The following CADPS variants were observed in gnomAD, a reference collection of about 807,000 sequenced individuals.
CADPS encodes calcium dependent secretion activator.
In CADPS, 57 loss-of-function variants were observed where a neutral mutation model predicts 167.3. The observed-to-expected ratio is 0.34, with a 90% CI of 0.28 to 0.42. CADPS has a LOEUF of 0.42. CADPS is among the 20% of genes least tolerant of loss of function. CADPS has a pLI of 1.00. For missense variants in CADPS, 1,414 were observed against 1,738.1 expected, an observed-to-expected ratio of 0.81 and a Z score of 3.32; for synonymous variants, 676 against 635.3, an observed-to-expected ratio of 1.06 and a Z score of -0.96.
intron 11 of CADPS, among the ~76,000 whole-genome samples, chr3:62,542,871 A>T (rs2075919486): frequency 6.6e-6 from 1 of 152,158 alleles, no homozygotes; most frequent in African/African-American, 2.4e-5. Context: ...AAAATAAATA[A>T]ATGATTTTAG....
intron 6 of CADPS, among the ~76,000 whole-genome samples, chr3:62,594,958 T>C (rs1483221792): frequency 6.6e-6 from 1 of 152,204 alleles, no homozygotes; most frequent in Non-Finnish European, 1.5e-5. Context: ...TTTATCATTG[T>C]TGTTTTCATG....
At chr3:62,450,553 C>G (rs1488211238) in intron 26 of CADPS, among the ~76,000 whole-genome samples, 1 of 152,176 alleles carries the variant, frequency 6.6e-6, no homozygotes, top group Admixed American at 6.5e-5. Flanking sequence ...CTGACCATCC[C>G]CTCTGGTAGG....
chr3:62,663,177 C>T (rs1315513069), intron 3 of CADPS, among the ~76,000 whole-genome samples: 1 of 152,066 alleles, frequency 6.6e-6, no homozygotes, highest in Non-Finnish European at 1.5e-5. Context: ...CTTTGAGGGC[C>T]ATAAGATCTC....
chr3:62,492,067 G>A (rs773669670), intron 20 of CADPS, among the ~76,000 whole-genome samples: 21 of 152,030 alleles, frequency 1.4e-4, no homozygotes, highest in Admixed American at 3.3e-4. Flanking sequence ...TTACTCTCAG[G>A]TTATTCTGTC....
intron 6 of CADPS, among the ~76,000 whole-genome samples, chr3:62,606,290 T>C (rs939839463): frequency 6.6e-6 from 1 of 152,170 alleles, no homozygotes; most frequent in Non-Finnish European, 1.5e-5. Context: ...GTGGGGCTTT[T>C]AAGAGGTGAT....
At chr3:62,599,751 T>TATTATATATAA (rs2059544820) in intron 6 of CADPS, among the ~76,000 whole-genome samples, 1 of 13,356 alleles carries the variant, frequency 7.5e-5, no homozygotes, top group Non-Finnish European at 1.4e-4. Flanking sequence ...ATATAATCTA[T>TATTATATATAA]TATATATATT....
chr3:62,691,117 A>T (rs1388246854), intron 3 of CADPS, among the ~76,000 whole-genome samples: 1 of 152,052 alleles, frequency 6.6e-6, no homozygotes, highest in East Asian at 1.9e-4. Context: ...GACACTCTGG[A>T]AAGTGCACCT....
intron 1 of CADPS, among the ~76,000 whole-genome samples, chr3:62,841,951 T>C (rs2076707970): frequency 6.6e-6 from 1 of 152,252 alleles, no homozygotes; most frequent in Non-Finnish European, 1.5e-5. Context: ...AATGTTTCCA[T>C]GACAGTTCTA....
At chr3:62,531,105 T>C (rs1561744635) in intron 13 of CADPS, among the ~76,000 whole-genome samples, 1 of 152,192 alleles carries the variant, frequency 6.6e-6, no homozygotes, top group African/African-American at 2.4e-5. Flanking sequence ...ATGTGTATCA[T>C]AATTCATGAT....
chr3:62,488,295 G>A (rs758687273), intron 21 of CADPS, among the ~76,000 whole-genome samples: 2 of 152,016 alleles, frequency 1.3e-5, no homozygotes, highest in Admixed American at 6.5e-5. Context: ...TTCTATTCAC[G>A]TTGTAGGAAA....
At position 62,400,465 on chromosome 3, in the gene CADPS, A is replaced by C. The variant is rs1705505301; in HGVS notation, c.3883-880T>G. On this transcript the variant is annotated intron_variant, in intron 29 of 29. Transcript: ENST00000383710. ...AAGGTCTCTAACTACAACTCTCCTCATCACACTGCATATCATTTCAGCTAC... is the reference window on the plus strand; with the variant it reads ...AAGGTCTCTAACTACAACTCTCCTCCTCACACTGCATATCATTTCAGCTAC... Among the ~76,000 whole-genome samples the C allele has an allele frequency of 4.6e-5, 7 of 151,700 alleles. No individual in the cohort carries two copies. In the South Asian group the frequency reaches 1.5e-3, roughly 32 times the overall value.
chr3:62,669,917 C>T (rs769277979), intron 3 of CADPS, among the ~76,000 whole-genome samples: 9 of 152,164 alleles, frequency 5.9e-5, no homozygotes, highest in Non-Finnish European at 1.0e-4. Flanking sequence ...AGTAGTATAG[C>T]AGATTTCCTC....
intron 1 of CADPS, among the ~76,000 whole-genome samples, chr3:62,817,223 T>C (rs1476678478): frequency 6.6e-6 from 1 of 152,168 alleles, no homozygotes; most frequent in African/African-American, 2.4e-5. Flanking sequence ...TGTTTGAGTT[T>C]ACTCTCTGGC....
rs191791220 is a variant in CADPS, at chr3:62,743,613, A to T, written c.888+9828T>A. The stretch of plus-strand genomic sequence containing the variant: ...CCAGATCACACAAAAGCATGACAAG[A>T]TAAGAAAAACAAGCATTCCCTATCC... On this transcript the variant is annotated intron_variant, in intron 3 of 29. Transcript: ENST00000383710. Among the ~76,000 whole-genome samples, 171 of 152,330 alleles carry T rather than the reference A, an allele frequency of 1.1e-3. 1 individual carries two copies. The highest frequency in any genetic ancestry group is 6.8e-3 in the Middle Eastern group (2 of 294).
chr3:62,578,187 CTTTTT>C (rs34788967), intron 8 of CADPS, among the ~76,000 whole-genome samples: 2 of 142,622 alleles, frequency 1.4e-5, no homozygotes, highest in Non-Finnish European at 1.5e-5. Context: ...CATGCTAACA[CTTTTT>C]TTTTTTTTTT....
intron 17 of CADPS, among the ~76,000 whole-genome samples, chr3:62,502,095 C>G (rs2151335940): frequency 6.6e-6 from 1 of 152,296 alleles, no homozygotes; most frequent in East Asian, 1.9e-4. Flanking sequence ...AGCTGTGATT[C>G]CATCATCTGT....
intron 3 of CADPS, among the ~76,000 whole-genome samples, chr3:62,713,187 G>T (rs531619304): frequency 1.3e-5 from 2 of 151,938 alleles, no homozygotes; most frequent in South Asian, 2.1e-4. Context: ...GAGATAATGT[G>T]ATGGGAGTTT....
At chr3:62,701,501 C>A (rs543515543) in intron 3 of CADPS, among the ~76,000 whole-genome samples, 1 of 150,236 alleles carries the variant, frequency 6.7e-6, no homozygotes. Context: ...CCCAGCTACT[C>A]GGGAGGCTGA....
intron 3 of CADPS, among the ~76,000 whole-genome samples, chr3:62,731,608 A>G (rs1466771461): frequency 6.6e-6 from 1 of 152,044 alleles, no homozygotes; most frequent in East Asian, 1.9e-4. Context: ...CTGAAAAGCC[A>G]TCACAAGTAC....
Sources: allele counts gnomAD v4.1 joint callset (sites outside exome capture counted in the v4.1 genomes callset), GRCh38; gene constraint gnomAD v4.1.1; transcripts MANE v1.5; gene names NCBI Gene and HGNC (gene_info 2026-07-23, HGNC 2026-07-21).